TGIF1: variants seen among roughly 807,000 people sequenced by gnomAD.
The protein encoded by TGIF1 is TGFB induced factor homeobox 1, also known as homeobox protein TGIF1.
Under a neutral mutation model 19.3 loss-of-function variants are expected in TGIF1, and 4 were observed. That is an observed-to-expected ratio of 0.21 (90% CI 0.10 to 0.47). The LOEUF (loss-of-function observed/expected upper bound fraction) is 0.47. TGIF1 is among the 20% of genes least tolerant of loss of function. The pLI is 0.98. For missense variants in TGIF1, 275 were observed against 341.4 expected (o/e 0.81, Z 1.53); for synonymous variants, 122 against 129.3 (o/e 0.94, Z 0.38).
upstream of TGIF1, among the ~76,000 whole-genome samples, chr18:3,447,224 A>C (rs796816835): frequency 6.6e-6 from 1 of 152,188 alleles, no homozygotes; most frequent in African/African-American, 2.4e-5. Context: ...AACGTTTATC[A>C]GTAGCCTCCG....
chr18:3,417,219 G>A (rs2082344146), intron 1 of TGIF1, among the ~76,000 whole-genome samples: 1 of 152,120 alleles, frequency 6.6e-6, no homozygotes, highest in African/African-American at 2.4e-5. Context: ...GAGTGCAGTG[G>A]TGCAATCTTA....
chr18:3,422,890 C>G (rs979572232), intron 2 of TGIF1, among the ~76,000 whole-genome samples: 3 of 151,918 alleles, frequency 2.0e-5, no homozygotes, highest in Non-Finnish European at 2.9e-5. Flanking sequence ...GGGGTTTCAC[C>G]GTGTTATCCA....
chr18:3,435,348 T>C (rs1312094780), intron 2 of TGIF1, among the ~76,000 whole-genome samples: 2 of 151,988 alleles, frequency 1.3e-5, no homozygotes, highest in Admixed American at 6.6e-5. Context: ...AGGCGCATGC[T>C]GCCACGTCCG....
At position 3,458,154 on chromosome 18, in the gene TGIF1, T is replaced by C. The variant is rs1229556071; in HGVS notation, c.*214T>C. The C allele has an allele frequency of 7.4e-6, 4 of 543,884 alleles. No homozygotes were observed. Among genetic ancestry groups the C allele is most frequent in the Middle Eastern group, 4.8e-4 (1 of 2,084 alleles). 33.7% of individuals were successfully genotyped at this position (543,884 alleles called of 1,614,324 possible). On this transcript the variant is annotated 3_prime_UTR_variant, in exon 3 of 3. Coordinates refer to ENST00000343820, the MANE Select transcript of TGIF1 (RefSeq NM_003244.4). Reference sequence around the variant, plus strand: ...GAAACAAAGGGTTTTCTTTTTTAAATGTTTCTTGGTAGATTATTCATAATG... The same window carrying C: ...GAAACAAAGGGTTTTCTTTTTTAAACGTTTCTTGGTAGATTATTCATAATG...
chr18:3,435,666 C>T (rs920047010), intron 2 of TGIF1, among the ~76,000 whole-genome samples: 2 of 152,146 alleles, frequency 1.3e-5, no homozygotes, highest in African/African-American at 4.8e-5. Context: ...TTCCCTTTTG[C>T]TATTCCTTCT....
chr18:3,433,365 C>T (rs182248496), intron 2 of TGIF1, among the ~76,000 whole-genome samples: 17 of 152,306 alleles, frequency 1.1e-4, no homozygotes, highest in Non-Finnish European at 2.4e-4. Context: ...TCAGCCACCA[C>T]GCCTGGCCCT....
chr18:3,429,853 C>G (rs537145708), intron 2 of TGIF1, among the ~76,000 whole-genome samples: 13 of 152,202 alleles, frequency 8.5e-5, no homozygotes, highest in Non-Finnish European at 1.9e-4. Context: ...GGAACAAACA[C>G]AATTACCTGA....
At chr18:3,426,289 C>G (rs2082467980) in intron 2 of TGIF1, among the ~76,000 whole-genome samples, 1 of 151,762 alleles carries the variant, frequency 6.6e-6, no homozygotes, top group Admixed American at 6.6e-5. Context: ...ACACCTCAGC[C>G]TCCCAAGTTG....
At chr18:3,413,870 A>T (rs1483032593) in intron 1 of TGIF1, among the ~76,000 whole-genome samples, 1 of 152,240 alleles carries the variant, frequency 6.6e-6, no homozygotes, top group East Asian at 1.9e-4. Context: ...CAAAAAGTAC[A>T]GTTGTATCTT....
Position 3,451,880 on chromosome 18 carries a change from A to G in TGIF1, c.16+1375A>G. 1 of 1,442,048 alleles carries G rather than the reference A, an allele frequency of 6.9e-7. No homozygotes were observed. Among genetic ancestry groups the G allele is most frequent in the Non-Finnish European group, 9.1e-7 (1 of 1,097,422 alleles). The allele number at this position is 1,442,048 out of a possible 1,614,324, so 89.3% of individuals were successfully genotyped here. On this transcript the variant is annotated intron_variant, in intron 1 of 2. Coordinates refer to ENST00000343820, the MANE Select transcript of TGIF1 (RefSeq NM_003244.4). The surrounding 1 kb of genome is among the most constrained non-coding windows in gnomAD (Gnocchi z 5.4). ...GGGGGGCGTCCGAGACGCCCCGTGA[A>G]AGCCGTGCCGACCCTTGGGAGGACT...
At chr18:3,428,920 G>A (rs1427360777) in intron 2 of TGIF1, among the ~76,000 whole-genome samples, 1 of 152,044 alleles carries the variant, frequency 6.6e-6, no homozygotes, top group Admixed American at 6.6e-5. Flanking sequence ...GAGCATGGCG[G>A]CGTGCCCCTG....
At chr18:3,447,793 C>T (rs1487053658), upstream of TGIF1, 6 of 1,614,060 alleles carry the variant, frequency 3.7e-6, no homozygotes, top group Middle Eastern at 1.6e-4. Context: ...TGACTTCTAG[C>T]CAAGGTGAGT....
intron 1 of TGIF1, among the ~76,000 whole-genome samples, chr18:3,417,119 C>T (rs776871507): frequency 2.6e-5 from 4 of 151,936 alleles, no homozygotes; most frequent in Non-Finnish European, 5.9e-5. Context: ...GCACTCTAGA[C>T]GTCCAGCAAG....
At chr18:3,437,223 C>T (rs1568037377) in intron 2 of TGIF1, among the ~76,000 whole-genome samples, 1 of 152,118 alleles carries the variant, frequency 6.6e-6, no homozygotes, top group African/African-American at 2.4e-5. Context: ...CAAGAACAAT[C>T]GATAGTTGAC....
intron 2 of TGIF1, among the ~76,000 whole-genome samples, chr18:3,443,815 G>A (rs926241249): frequency 2.0e-5 from 3 of 151,942 alleles, no homozygotes; most frequent in Non-Finnish European, 4.4e-5. Context: ...TTACAGACAT[G>A]AGCCACTGTA....
chr18:3,421,545 T>G (rs2082397569), intron 2 of TGIF1, among the ~76,000 whole-genome samples: 1 of 151,682 alleles, frequency 6.6e-6, no homozygotes, highest in East Asian at 1.9e-4. Flanking sequence ...CCTGAGTAGC[T>G]GGGATTACAG....
intron 1 of TGIF1, 61 bp downstream of exon 1, chr18:3,450,566 G>T (rs991282961): frequency 1.3e-6 from 2 of 1,550,016 alleles, no homozygotes; most frequent in Non-Finnish European, 1.7e-6. Flanking sequence ...GTGCTGGCCG[G>T]GCCGCGCCGC....
intron 1 of TGIF1, among the ~76,000 whole-genome samples, chr18:3,450,881 G>A (rs1291354395): frequency 6.6e-6 from 1 of 152,076 alleles, no homozygotes; most frequent in Non-Finnish European, 1.5e-5. Context: ...GGAGGACCCA[G>A]CCCCTCGTTT....
intron 2 of TGIF1, among the ~76,000 whole-genome samples, chr18:3,425,113 AC>A (rs1250338983): frequency 3.9e-5 from 6 of 152,168 alleles, no homozygotes; most frequent in African/African-American, 1.4e-4. Flanking sequence ...TGAACTCTCA[AC>A]CCGTGAGGTT....
Sources: gnomAD v4.1 joint callset for allele counts (sites outside exome capture counted in the v4.1 genomes callset) on GRCh38, gnomAD v4.1.1 for gene constraint, Gnocchi (gnomAD v3.1) non-coding constraint, MANE v1.5 for transcripts, NCBI Gene and HGNC (gene_info 2026-07-23, HGNC 2026-07-21) for gene names.